The following DLC1 variants were observed in gnomAD, a reference collection of about 807,000 sequenced individuals.
DLC1 encodes the protein rho GTPase-activating protein 7.
A neutral mutation model predicts 140.3 loss-of-function variants in DLC1; 54 were observed. The ratio of observed to expected loss-of-function variants is 0.38; its 90% CI spans 0.31 to 0.48. The LOEUF (loss-of-function observed/expected upper bound fraction) is 0.48. DLC1 is among the 20% of genes least tolerant of loss of function. DLC1 has a pLI of 0.96. For synonymous variants in DLC1, 986 were observed against 728.1 expected (o/e 1.35, Z -5.70); for missense variants, 2,536 against 1,907.0 (o/e 1.33, Z -6.14).
chr8:13,163,093 AGAGGCTGAAAGACAGCTTG>A (rs1344273635), intron 5 of DLC1, among the ~76,000 whole-genome samples: 1 of 152,176 alleles, frequency 6.6e-6, no homozygotes, highest in Non-Finnish European at 1.5e-5. Context: ...ACATACATGA[AGAGGCTGAAAGACAGCTTG>A]GTGGCCCACG....
intron 4 of DLC1, among the ~76,000 whole-genome samples, chr8:13,363,084 A>C (rs886485807): frequency 2.6e-5 from 4 of 152,206 alleles, no homozygotes; most frequent in Admixed American, 6.5e-5. Context: ...CAGAGCCTAC[A>C]CTTTGTGGGG....
At chr8:13,344,411 T>C (rs1371852460) in intron 4 of DLC1, among the ~76,000 whole-genome samples, 2 of 152,198 alleles carry the variant, frequency 1.3e-5, no homozygotes, top group Admixed American at 6.5e-5. Flanking sequence ...GAGAATAGCT[T>C]GAACCCGGGA....
rs35775672 is a variant in DLC1, at chr8:13,118,004, CT to C, written c.1349-2348del. ...ATATTCCTGTCTTCTTGTTCTCTTT[CT>C]TTTTTTTTTTTTTTTTTTTTTTGAG... On this transcript the variant is annotated intron_variant, in intron 5 of 17. Transcript: ENST00000276297. Among the ~76,000 whole-genome samples the C allele has an allele frequency of 8.3e-3, 957 of 114,866 alleles. 5 individuals are homozygous for C. The highest frequency in any genetic ancestry group is 0.025 in the East Asian group (101 of 4,014). 75.4% of individuals were successfully genotyped at this position (114,866 alleles called of 152,430 possible). A position where few individuals can be genotyped will look rare whatever the true frequency, so the allele number is the denominator to read the frequency against.
At chr8:13,269,000 AG>A (rs1830809558) in intron 5 of DLC1, among the ~76,000 whole-genome samples, 1 of 150,738 alleles carries the variant, frequency 6.6e-6, no homozygotes, top group Non-Finnish European at 1.5e-5. Context: ...TCAGCCTCCG[AG>A]TAGCTGGGAC....
At chr8:13,164,868 T>C (rs1449065261) in intron 5 of DLC1, among the ~76,000 whole-genome samples, 1 of 152,174 alleles carries the variant, frequency 6.6e-6, no homozygotes, top group East Asian at 1.9e-4. Context: ...GGAGTTGTGA[T>C]GGTTATGAAA....
chr8:13,593,255 A>G (rs1418341901), intron 1 of DLC1, among the ~76,000 whole-genome samples: 1 of 152,144 alleles, frequency 6.6e-6, no homozygotes, highest in Non-Finnish European at 1.5e-5. Flanking sequence ...CTTTATCAGC[A>G]TACCAATTTT....
intron 4 of DLC1, among the ~76,000 whole-genome samples, chr8:13,325,157 A>T (rs1431464252): frequency 6.6e-6 from 1 of 152,162 alleles, no homozygotes; most frequent in Non-Finnish European, 1.5e-5. Context: ...GGTAAAAACA[A>T]AAAGAGGAAA....
intron 5 of DLC1, among the ~76,000 whole-genome samples, chr8:13,186,778 C>T (rs1826395093): frequency 6.6e-6 from 1 of 152,182 alleles, no homozygotes. Flanking sequence ...TTCTTCCCAC[C>T]TTTGTGGTTT....
At chr8:13,086,175 A>G (rs1442198342) in intron 17 of DLC1, 115 bp downstream of exon 17, 2 of 1,419,980 alleles carry the variant, frequency 1.4e-6, no homozygotes, top group Non-Finnish European at 1.9e-6. Flanking sequence ...ACCATTCTTC[A>G]TGAAGTCACC....
At position 13,514,036 on chromosome 8, in the gene DLC1, CT is replaced by C. The variant is rs558076579; in HGVS notation, c.-126+565del. The stretch of plus-strand genomic sequence containing the variant: ...TAATTCCTGAAATTTCACGTGTTTA[CT>C]TTTTTTTTTTAAATGAACCTTTTAA... On this transcript the variant is annotated intron_variant, in intron 1 of 17. Coordinates refer to ENST00000276297, the MANE Select transcript of DLC1 (RefSeq NM_182643.3). 2.9e-3 allele frequency among the ~76,000 whole-genome samples: 428 copies of C among 147,052 alleles called. 1 individual carries two copies. The highest frequency in any genetic ancestry group is 3.7e-3 in the Non-Finnish European group (245 of 66,194).
chr8:13,278,693 C>T lies in DLC1; in HGVS notation c.1348+26576G>A, dbSNP rs370587406. ...CAGTCACTCCCAGCATGAATATCAA[C>T]AGCTGATTGTCTGAGTCGTGCAAAG... On this transcript the variant is annotated intron_variant, in intron 5 of 17. Transcript: ENST00000276297. Among the ~76,000 whole-genome samples, 47 of 152,230 alleles carry T rather than the reference C, an allele frequency of 3.1e-4. No individual in the cohort carries two copies. In the East Asian group the frequency reaches 5.0e-3, roughly 16 times the overall value.
At chr8:13,446,377 C>G (rs925290532) in intron 2 of DLC1, among the ~76,000 whole-genome samples, 2 of 152,142 alleles carry the variant, frequency 1.3e-5, no homozygotes, top group African/African-American at 4.8e-5. Flanking sequence ...TAAATGTAAA[C>G]AACACTCATT....
At chr8:13,107,910 G>T (rs1316070479) in intron 7 of DLC1, among the ~76,000 whole-genome samples, 1 of 152,146 alleles carries the variant, frequency 6.6e-6, no homozygotes, top group Admixed American at 6.5e-5. Flanking sequence ...GCTGGGCGTG[G>T]TGGTGGGTGC....
intron 5 of DLC1, among the ~76,000 whole-genome samples, chr8:13,170,532 C>G (rs774083137): frequency 4.6e-5 from 7 of 152,006 alleles, no homozygotes; most frequent in African/African-American, 1.7e-4. Context: ...AAATCGAGAC[C>G]ATCCTGGCCA....
chr8:13,202,298 C>T (rs949552376), intron 5 of DLC1, among the ~76,000 whole-genome samples: 1 of 152,006 alleles, frequency 6.6e-6, no homozygotes, highest in Non-Finnish European at 1.5e-5. Context: ...TTTTAATTGA[C>T]ACAATAATTG....
chr8:13,094,854 T>C lies in DLC1; in HGVS notation c.3431A>G (p.Tyr1144Cys), dbSNP rs762869191. The C allele has an allele frequency of 4.3e-6, 7 of 1,614,248 alleles. No homozygotes were observed. The South Asian group carries it at 4.4e-5, about 10-fold the overall frequency. Reference sequence around the variant, plus strand: ...CTGCTTCAGCATGTCTGCCACGTCATAAGCAGACTGTCCTTCGTAGTTGAC... The same window carrying C: ...CTGCTTCAGCATGTCTGCCACGTCACAAGCAGACTGTCCTTCGTAGTTGAC... ...DCVNYEGQSA[Y>C]DVADMLKQYF... The change falls in exon 12 of 18, where the codon TAT becomes TGT. Residue 1144 changes from tyrosine (Y) to cysteine (C), a missense_variant. Coordinates refer to ENST00000276297, the MANE Select transcript of DLC1 (RefSeq NM_182643.3).
chr8:13,378,585 C>G (rs187392878), intron 4 of DLC1, among the ~76,000 whole-genome samples: 1 of 152,090 alleles, frequency 6.6e-6, no homozygotes, highest in African/African-American at 2.4e-5. Context: ...AATTATTTCA[C>G]TTATTTACAA....
chr8:13,133,279 C>A, intron 5 of DLC1: 18 of 1,314,790 alleles, frequency 1.4e-5, no homozygotes, highest in South Asian at 1.8e-5. Flanking sequence ...CTCGGGCAGT[C>A]GGAGCGAACT....
intron 4 of DLC1, chr8:13,339,819 T>C (rs1168911126): frequency 6.6e-6 from 1 of 152,266 alleles, no homozygotes; most frequent in Non-Finnish European, 1.5e-5. Flanking sequence ...TTTTCACTCA[T>C]GGCTCAAGGA....
Sources: allele counts gnomAD v4.1 joint callset (sites outside exome capture counted in the v4.1 genomes callset), GRCh38; gene constraint gnomAD v4.1.1; transcripts MANE v1.5; gene names NCBI Gene and HGNC (gene_info 2026-07-23, HGNC 2026-07-21).